The following BSN variants were observed in gnomAD, a reference collection of about 807,000 sequenced individuals.
The protein encoded by BSN is bassoon presynaptic cytomatrix protein.
A neutral mutation model predicts 264.8 loss-of-function variants in BSN; 57 were observed. That is an observed-to-expected ratio of 0.22 (90% confidence interval 0.17 to 0.27). BSN has a LOEUF of 0.27. Among genes scored for constraint, BSN ranks in the 10% least tolerant of loss-of-function variants. BSN has a pLI of 1.00. For missense variants in BSN, 4,615 were observed against 5,232.5 expected (o/e 0.88, Z 3.64); for synonymous variants, 2,059 against 2,137.3 (o/e 0.96, Z 1.01).
chr3:49,628,103 G>A (rs747006189), intron 2 of BSN, among the ~76,000 whole-genome samples: 1 of 152,228 alleles, frequency 6.6e-6, no homozygotes, highest in Non-Finnish European at 1.5e-5. Flanking sequence ...CAAGTGACAT[G>A]GAGGCTTTCA....
At chr3:49,569,595 G>T (rs75014815) in intron 1 of BSN, among the ~76,000 whole-genome samples, 1 of 152,160 alleles carries the variant, frequency 6.6e-6, no homozygotes, top group African/African-American at 2.4e-5. Context: ...AGTGGGGGAC[G>T]CTTGGAGGGC....
At chr3:49,644,117 G>A (rs1331303909) in intron 3 of BSN, among the ~76,000 whole-genome samples, 1 of 152,212 alleles carries the variant, frequency 6.6e-6, no homozygotes, top group Admixed American at 6.5e-5. Flanking sequence ...AGCTTGGTGT[G>A]TCTCCTTAGA....
At position 49,642,549 on chromosome 3, in the gene BSN, GCCCCCTCAA is replaced by G. The variant is rs2052472140; in HGVS notation, c.919_927del (p.Pro307_Pro309del). ...CAGAGGTGGGGAGGGTGTCTCCTCA[GCCCCCTCAA>G]CCCACCAAGCCTTCCACAGCTGAGC... On this transcript the variant is annotated inframe_deletion, in exon 3 of 12. Transcript: ENST00000296452. The surrounding 1 kb of genome is among the most constrained non-coding windows in gnomAD (Gnocchi z 7.0). 1 of 1,597,574 alleles carries G rather than the reference GCCCCCTCAA, an allele frequency of 6.3e-7. No individual in the cohort carries two copies. The highest frequency in any genetic ancestry group is 2.2e-5 in the East Asian group (1 of 44,570).
intron 1 of BSN, among the ~76,000 whole-genome samples, chr3:49,600,627 A>G (rs1275422282): frequency 6.7e-6 from 1 of 148,612 alleles, no homozygotes; most frequent in Non-Finnish European, 1.5e-5. Flanking sequence ...CCCTGTCTCC[A>G]CAAAGGTAAA....
Position 49,661,761 on chromosome 3 carries a change from C to T in BSN, c.9916C>T (p.Arg3306Trp), listed in dbSNP as rs770494525. The T allele has an allele frequency of 2.5e-6, 4 of 1,613,366 alleles. No homozygotes were observed. The highest frequency in any genetic ancestry group is 2.2e-5 in the East Asian group (1 of 44,878). ...YDPRGKGGHL[R>W]SMESNGRPAS... ...TCCCCGCGGGAAGGGTGGCCACCTCCGGAGCATGGAGAGCAATGGTCGACC... is the reference window on the plus strand; with the variant it reads ...TCCCCGCGGGAAGGGTGGCCACCTCTGGAGCATGGAGAGCAATGGTCGACC... The change falls in exon 6 of 12, where the codon CGG becomes TGG. Residue 3306 changes from arginine (R) to tryptophan (W), a missense_variant. Physicochemically the swap from Arg to Trp is moderately radical, Grantham distance 101 (BLOSUM62 -3). Coordinates refer to ENST00000296452, the MANE Select transcript of BSN (RefSeq NM_003458.4).
rs2052335708 is a variant in BSN, at chr3:49,625,512, C to T, written c.633+129C>T. 1.1e-6 allele frequency: 1 copy of T among 949,918 alleles called. No homozygotes were observed. Among genetic ancestry groups the T allele is most frequent in the Non-Finnish European group, 1.4e-6 (1 of 695,990 alleles). 58.8% of individuals were successfully genotyped at this position (949,918 alleles called of 1,614,324 possible). ...CCTTGACCACCAGCATTTGTGTCCT[C>T]CTGCAGGGATGTGTCCTGGTTCCAG... On this transcript the variant is annotated intron_variant, in intron 2 of 11. Transcript: ENST00000296452. The surrounding 1 kb of genome is among the most constrained non-coding windows in gnomAD (Gnocchi z 4.4).
Position 49,657,854 on chromosome 3 carries a change from G to A in BSN, c.8298G>A (p.Leu2766=). 6.2e-7 allele frequency: 1 copy of A among 1,612,642 alleles called. No homozygotes were observed. Among genetic ancestry groups the A allele is most frequent in the South Asian group, 1.1e-5 (1 of 91,006 alleles). ...GRFEKKKPDP[L]EIGYQAHLPP... ...TTGAAAAAAAGAAGCCAGATCCCCT[G>A]GAGATTGGGTACCAGGCCCACCTGC... The change falls in exon 5 of 12, where the codon CTG becomes CTA. Residue 2766 remains leucine (L), a synonymous_variant. Coordinates refer to ENST00000296452, the MANE Select transcript of BSN (RefSeq NM_003458.4).
At chr3:49,568,885 A>G (rs1200539529) in intron 1 of BSN, among the ~76,000 whole-genome samples, 1 of 152,230 alleles carries the variant, frequency 6.6e-6, no homozygotes, top group Admixed American at 6.5e-5. Context: ...CTGAGAGCCA[A>G]AGGCAGAAGC....
Position 49,651,161 on chromosome 3 carries a change from G to A in BSN, c.1986+82G>A. 1.4e-6 allele frequency: 2 copies of A among 1,387,192 alleles called. No individual in the cohort carries two copies. The highest frequency in any genetic ancestry group is 1.9e-6 in the Non-Finnish European group (2 of 1,034,000). The allele number at this position is 1,387,192 out of a possible 1,614,324, so 85.9% of individuals were successfully genotyped here. A position where few individuals can be genotyped will look rare whatever the true frequency, so the allele number is the denominator to read the frequency against. On this transcript the variant is annotated intron_variant, in intron 4 of 11. Coordinates refer to ENST00000296452, the MANE Select transcript of BSN (RefSeq NM_003458.4). This position sits in a 1 kb window ranked among gnomAD's most constrained non-coding sequence, Gnocchi z 5.4. The stretch of plus-strand genomic sequence containing the variant: ...AGGCTTGCCTCCCTGGGTGGCTGAG[G>A]CTGTAGGCTCAGGACAGGTGCCTTG...
At chr3:49,594,213 G>C (rs1400519350) in intron 1 of BSN, among the ~76,000 whole-genome samples, 1 of 152,140 alleles carries the variant, frequency 6.6e-6, no homozygotes. Context: ...AATTTGATGA[G>C]ATCTAATTTG....
intron 1 of BSN, among the ~76,000 whole-genome samples, chr3:49,575,557 A>C (rs1213501125): frequency 6.8e-6 from 1 of 146,974 alleles, no homozygotes; most frequent in Non-Finnish European, 1.5e-5. Flanking sequence ...TATAGATGTA[A>C]ATATATATGC....
intron 1 of BSN, among the ~76,000 whole-genome samples, chr3:49,609,089 CTTTTT>C (rs35003449): frequency 1.1e-5 from 1 of 89,036 alleles, no homozygotes; most frequent in African/African-American, 4.3e-5. Context: ...GTTAAATTGA[CTTTTT>C]TTTTTTTTTT....
At chr3:49,605,775 TATA>T (rs1177915295) in intron 1 of BSN, among the ~76,000 whole-genome samples, 2 of 79,828 alleles carry the variant, frequency 2.5e-5, no homozygotes, top group African/African-American at 1.0e-4. Context: ...TAAAAATATA[TATA>T]ATATATAATA....
chr3:49,611,245 C>T (rs1200562210), intron 1 of BSN, among the ~76,000 whole-genome samples: 1 of 152,186 alleles, frequency 6.6e-6, no homozygotes, highest in Non-Finnish European at 1.5e-5. Context: ...ACAGCATTGT[C>T]CCCTTGGTAA....
At chr3:49,606,110 AAT>A (rs1559603337) in intron 1 of BSN, among the ~76,000 whole-genome samples, 1 of 68,894 alleles carries the variant, frequency 1.5e-5, no homozygotes, top group African/African-American at 5.9e-5. Flanking sequence ...TATAATATAT[AAT>A]ATATACGTAT....
In BSN at chr3:49,657,882, C is replaced by A; in HGVS notation, c.8326C>A (p.Pro2776Thr). 1 of 1,613,742 alleles carries A rather than the reference C, an allele frequency of 6.2e-7. No individual in the cohort carries two copies. Among genetic ancestry groups the A allele is most frequent in the Non-Finnish European group, 8.5e-7 (1 of 1,179,934 alleles). ...LEIGYQAHLP[P>T]ESLSQLVSRQ... ...GATTGGGTACCAGGCCCACCTGCCT[C>A]CGGAGTCTCTCTCACAGCTTGTGAG... Residue 2776 changes from proline to threonine, a missense_variant, in exon 5 of 12, where the codon CCG (proline) becomes ACG (threonine). Physicochemically the swap from Pro to Thr is conservative, Grantham distance 38. Around this residue, in one of 3 missense-constraint regions of BSN, gnomAD observed 3,415 missense variants for 3,866.4 expected, o/e 0.88. Transcript: ENST00000296452.
intron 1 of BSN, among the ~76,000 whole-genome samples, chr3:49,595,760 T>A (rs1005280296): frequency 2.6e-5 from 4 of 152,248 alleles, no homozygotes; most frequent in African/African-American, 9.6e-5. Flanking sequence ...TGTTTGTATG[T>A]AGATGTGTCA....
At chr3:49,592,876 C>A (rs908790374) in intron 1 of BSN, among the ~76,000 whole-genome samples, 10 of 152,094 alleles carry the variant, frequency 6.6e-5, no homozygotes, top group African/African-American at 2.4e-4. Context: ...ATCCACCAAT[C>A]TTTCTCAGAT....
intron 1 of BSN, among the ~76,000 whole-genome samples, chr3:49,613,767 C>A (rs2052231777): frequency 6.6e-6 from 1 of 151,994 alleles, no homozygotes; most frequent in Non-Finnish European, 1.5e-5. Context: ...CTTGGCCTCC[C>A]AAAGTGCTGG....
Sources: gnomAD v4.1 joint callset for allele counts (sites outside exome capture counted in the v4.1 genomes callset) on GRCh38, gnomAD v4.1.1 for gene constraint, gnomAD v4.1.1 regional missense constraint, Gnocchi (gnomAD v3.1) non-coding constraint, MANE v1.5 for transcripts, NCBI Gene and HGNC (gene_info 2026-07-23, HGNC 2026-07-21) for gene names.